VPS53: variants seen among roughly 807,000 people sequenced by gnomAD.
VPS53 encodes the protein VPS53 subunit of GARP complex.
A neutral mutation model predicts 107.0 loss-of-function variants in VPS53; 70 were observed. The observed-to-expected ratio is 0.65, with a 90% CI of 0.54 to 0.80. VPS53 has a LOEUF of 0.80. Among genes scored for constraint, VPS53 ranks in the 30% least tolerant of loss-of-function variants. The probability of loss-of-function intolerance (pLI) is 0.00; values close to 1 mark genes in which losing one functional copy is unlikely to be tolerated. For synonymous variants in VPS53, 409 were observed against 393.3 expected (o/e 1.04, Z -0.47); for missense variants, 917 against 1,049.4 (o/e 0.87, Z 1.74).
At chr17:530,088 G>A (rs1486059099) in intron 19 of VPS53, among the ~76,000 whole-genome samples, 2 of 149,108 alleles carry the variant, frequency 1.3e-5, no homozygotes, top group Non-Finnish European at 3.0e-5. Context: ...CTGGTATATA[G>A]AAATATATTT....
intron 13 of VPS53, among the ~76,000 whole-genome samples, chr17:564,395 C>T (rs1192800907): frequency 6.6e-6 from 1 of 152,024 alleles, no homozygotes; most frequent in Admixed American, 6.6e-5. Context: ...AAAAAATTAG[C>T]CGGGCATGAT....
chr17:686,615 G>A (rs919839057), intron 4 of VPS53, among the ~76,000 whole-genome samples: 5 of 152,204 alleles, frequency 3.3e-5, no homozygotes, highest in African/African-American at 2.4e-5. Context: ...GCTGAAGGCA[G>A]TAAGGGGCCT....
intron 11 of VPS53, among the ~76,000 whole-genome samples, chr17:618,929 G>GGT (rs1969303680): frequency 7.1e-6 from 1 of 141,004 alleles, no homozygotes. Context: ...TGGGACTACA[G>GGT]GCGCCCACCA....
chr17:530,708 C>T (rs934636360), intron 19 of VPS53, among the ~76,000 whole-genome samples: 20 of 152,250 alleles, frequency 1.3e-4, no homozygotes, highest in East Asian at 7.7e-4. Context: ...CATAGGTGAA[C>T]GCAGTCATAA....
At chr17:687,793 C>T (rs138664172) in intron 4 of VPS53, among the ~76,000 whole-genome samples, 108 of 152,100 alleles carry the variant, frequency 7.1e-4, no homozygotes, top group African/African-American at 2.6e-3. Flanking sequence ...AATTCTAATC[C>T]CCCCTAACCC....
At chr17:558,589 G>A (rs1470051737) in intron 15 of VPS53, among the ~76,000 whole-genome samples, 2 of 152,000 alleles carry the variant, frequency 1.3e-5, no homozygotes, top group South Asian at 2.1e-4. Context: ...AGCCGAGATC[G>A]TGCCACTGCA....
chr17:555,254 G>A (rs1473937246), intron 15 of VPS53, among the ~76,000 whole-genome samples: 1 of 152,200 alleles, frequency 6.6e-6, no homozygotes, highest in African/African-American at 2.4e-5. Flanking sequence ...GGAGACACCA[G>A]GGTCCTTCGC....
At chr17:557,050 G>T (rs562400825) in intron 15 of VPS53, among the ~76,000 whole-genome samples, 149 of 152,034 alleles carry the variant, frequency 9.8e-4, no homozygotes, top group Non-Finnish European at 1.8e-3. Context: ...ACGGGGTTTT[G>T]CCATGTTGAC....
chr17:647,613 T>C (rs1200192689), intron 7 of VPS53, among the ~76,000 whole-genome samples: 2 of 152,142 alleles, frequency 1.3e-5, no homozygotes, highest in East Asian at 1.9e-4. Flanking sequence ...GTTCGCCTGC[T>C]TTCTTGGCTG....
chr17:561,489 A>G (rs928668387), intron 14 of VPS53, among the ~76,000 whole-genome samples: 5 of 152,260 alleles, frequency 3.3e-5, no homozygotes, highest in Non-Finnish European at 7.3e-5. Context: ...GAATAAAGCT[A>G]TAAGCAGTAT....
At chr17:669,223 A>T (rs190200607) in intron 4 of VPS53, among the ~76,000 whole-genome samples, 14 of 152,270 alleles carry the variant, frequency 9.2e-5, no homozygotes, top group Admixed American at 9.2e-4. Context: ...ACACAAAAAT[A>T]CCTTCACTAC....
At chr17:549,491 G>A (rs199723287) in intron 17 of VPS53, among the ~76,000 whole-genome samples, 28 of 152,210 alleles carry the variant, frequency 1.8e-4, no homozygotes, top group South Asian at 2.1e-4. Context: ...AGGGTGGGAC[G>A]GGGCAGGGTT....
At chr17:630,315 A>AC (rs979322841) in intron 8 of VPS53, among the ~76,000 whole-genome samples, 27 of 152,002 alleles carry the variant, frequency 1.8e-4, no homozygotes, top group African/African-American at 5.8e-4. Flanking sequence ...AAACAAACAA[A>AC]AAAAAAAACC....
intron 8 of VPS53, among the ~76,000 whole-genome samples, chr17:631,281 G>A (rs1441351630): frequency 2.0e-5 from 3 of 151,102 alleles, no homozygotes; most frequent in Non-Finnish European, 4.4e-5. Flanking sequence ...GAATTGACAG[G>A]GCATACAAGA....
intron 13 of VPS53, among the ~76,000 whole-genome samples, chr17:564,565 G>T (rs1597308300): frequency 7.6e-6 from 1 of 131,190 alleles, no homozygotes; most frequent in Non-Finnish European, 1.6e-5. Flanking sequence ...AAAAAAATTA[G>T]CTGGGGGTGG....
At chr17:646,471 G>A (rs440920) in intron 7 of VPS53, among the ~76,000 whole-genome samples, 7,226 of 70,798 alleles carry the variant, frequency 0.1, 1 homozygote, top group Non-Finnish European at 0.15. Flanking sequence ...CTCCGTGACC[G>A]CGTGGCCACT....
At chr17:559,410 G>A (rs1470952222) in intron 15 of VPS53, among the ~76,000 whole-genome samples, 2 of 152,176 alleles carry the variant, frequency 1.3e-5, no homozygotes, top group African/African-American at 4.8e-5. Flanking sequence ...CCCCTGCCTT[G>A]GAGGTCCTTA....
chr17:526,408 T>G (rs909134782), intron 19 of VPS53, among the ~76,000 whole-genome samples: 1 of 152,212 alleles, frequency 6.6e-6, no homozygotes, highest in African/African-American at 2.4e-5. Flanking sequence ...TTTCATTCCC[T>G]GGCCAGTCAC....
Position 694,705 on chromosome 17 carries a change from ATAAT to A in VPS53, c.285+2709_285+2712del, listed in dbSNP as rs1034107413. On this transcript the variant is annotated intron_variant, in intron 4 of 21. Coordinates refer to ENST00000437048, the MANE Select transcript of VPS53 (RefSeq NM_001128159.3). ...TATGATAAAATGTTTTTGTTTATTT[ATAAT>A]TAATAAACAATCTTAGACAGACAAA... 7.7e-4 allele frequency among the ~76,000 whole-genome samples: 118 copies of A among 152,320 alleles called. 1 individual carries two copies. Among genetic ancestry groups the A allele is most frequent in the South Asian group, 6.2e-3 (30 of 4,824 alleles).
Sources: gnomAD v4.1 joint callset for allele counts (sites outside exome capture counted in the v4.1 genomes callset) on GRCh38, gnomAD v4.1.1 for gene constraint, MANE v1.5 for transcripts, NCBI Gene and HGNC (gene_info 2026-07-23, HGNC 2026-07-21) for gene names.